The following PCDHGC5 variants were observed in gnomAD, a reference collection of about 807,000 sequenced individuals.
The protein encoded by PCDHGC5 is protocadherin gamma-C5.
In PCDHGC5, 25 loss-of-function variants were observed where a neutral mutation model predicts 59.0. That is an observed-to-expected ratio of 0.42 (90% CI 0.31 to 0.59). The LOEUF is 0.59. PCDHGC5 is among the 20% of genes least tolerant of loss of function. The pLI is 0.13. For missense variants in PCDHGC5, 1,067 were observed against 1,206.4 expected (o/e 0.88, Z 1.71); for synonymous variants, 434 against 505.5 (o/e 0.86, Z 1.90).
chr5:141,505,803 C>T (rs920849273), intron 3 of PCDHGC5, among the ~76,000 whole-genome samples: 29 of 152,116 alleles, frequency 1.9e-4, no homozygotes, highest in African/African-American at 6.5e-4. Flanking sequence ...GGACTTGGAT[C>T]GACTTGCTCA....
intron 2 of PCDHGC5, 69 bp from the exon 3 acceptor site, chr5:141,505,324 G>T: frequency 6.2e-7 from 1 of 1,607,102 alleles, no homozygotes; most frequent in African/African-American, 1.3e-5. Context: ...GGAGCCCTGG[G>T]AGAGGACAGG....
In PCDHGC5 at chr5:141,489,750, C is replaced by A. The variant is rs753217170; in HGVS notation, c.510C>A (p.Tyr170Ter). 1 of 1,614,098 alleles carries A rather than the reference C, an allele frequency of 6.2e-7. No individual in the cohort carries two copies. The highest frequency in any genetic ancestry group is 1.1e-5 in the South Asian group (1 of 91,080). ...PDVGTNTVSF[Y>*]TLSPNSHFSL... Reference sequence around the variant, plus strand: ...TGGGCACCAATACTGTGAGCTTTTACACTCTAAGCCCCAACAGCCACTTCT... The same window carrying A: ...TGGGCACCAATACTGTGAGCTTTTAAACTCTAAGCCCCAACAGCCACTTCT... Residue 170 changes from tyrosine (Y) to a stop codon, truncating the protein, a stop_gained, in exon 1 of 4, where the codon TAC becomes TAA. Coordinates refer to ENST00000252087, the MANE Select transcript of PCDHGC5 (RefSeq NM_018929.3). LOFTEE classifies it high-confidence loss of function. This position sits in a 1 kb window ranked among gnomAD's most constrained non-coding sequence, Gnocchi z 4.5.
chr5:141,507,202 C>G (rs2099859138), intron 3 of PCDHGC5: 1 of 152,356 alleles, frequency 6.6e-6, no homozygotes, highest in Non-Finnish European at 1.5e-5. Flanking sequence ...TCTTCCAGAT[C>G]AGGGTTGCCA....
chr5:141,509,086 A>T lies in PCDHGC5; in HGVS notation c.2609-1861A>T, dbSNP rs147084289. On this transcript the variant is annotated intron_variant, in intron 3 of 3. Coordinates refer to ENST00000252087, the MANE Select transcript of PCDHGC5 (RefSeq NM_018929.3). ...CAGCTCCGGGGATTTGCGACATGAAATGGGGGCTGTAGAAACCTGAGCGCT... is the reference window on the plus strand; with the variant it reads ...CAGCTCCGGGGATTTGCGACATGAATTGGGGGCTGTAGAAACCTGAGCGCT... 8.3e-3 allele frequency among the ~76,000 whole-genome samples: 1,261 copies of T among 152,228 alleles called. 7 individuals are homozygous for T. Among genetic ancestry groups the T allele is most frequent in the Middle Eastern group, 0.037 (11 of 294 alleles).
At position 141,491,623 on chromosome 5, in the gene PCDHGC5, G is replaced by A. The variant is rs767724749; in HGVS notation, c.2383G>A (p.Val795Ile). The A allele has an allele frequency of 3.7e-6, 6 of 1,613,812 alleles. No homozygotes were observed. The highest frequency in any genetic ancestry group is 2.7e-5 in the African/African-American group (2 of 74,938). Residue 795 changes from valine to isoleucine, a missense_variant, in exon 1 of 4, where the codon GTT becomes ATT. Transcript: ENST00000252087. This position sits in a 1 kb window ranked among gnomAD's most constrained non-coding sequence, Gnocchi z 6.9. ...SDFTFLRPLS[V>I]QQPTALALEP... is the part of the protein sequence containing the mutation. ...CTTCACTTTTCTAAGACCCCTCAGC[G>A]TTCAGCAGCCCACAGCTCTGGCGCT...
chr5:141,495,810 C>T (rs1003475681), intron 2 of PCDHGC5, among the ~76,000 whole-genome samples: 1 of 152,088 alleles, frequency 6.6e-6, no homozygotes, highest in Non-Finnish European at 1.5e-5. Context: ...CGTTTCCTAG[C>T]GCCTTGTGTT....
intron 3 of PCDHGC5, among the ~76,000 whole-genome samples, chr5:141,505,999 G>A (rs891447053): frequency 1.3e-5 from 2 of 152,172 alleles, no homozygotes; most frequent in African/African-American, 4.8e-5. Flanking sequence ...TTTATGCGAG[G>A]CTCCTCTTTT....
In PCDHGC5 at chr5:141,510,992, T is replaced by C. The variant is rs879030278; in HGVS notation, c.2654T>C (p.Met885Thr). The change falls in exon 4 of 4, where the codon ATG (methionine) becomes ACG (threonine). Residue 885 changes from methionine to threonine, a missense_variant. By Grantham distance (81) the Met-to-Thr change is moderately conservative. Coordinates refer to ENST00000252087, the MANE Select transcript of PCDHGC5 (RefSeq NM_018929.3). ...SSTLGGGAGT[M>T]GLSARYGPQF... is the part of the protein sequence containing the mutation. ...ACCCTGGGAGGGGGTGCCGGCACCA[T>C]GGGATTGAGCGCCCGCTACGGACCC... The C allele has an allele frequency of 1.9e-6, 3 of 1,614,164 alleles. No individual in the cohort carries two copies. The highest frequency in any genetic ancestry group is 2.5e-6 in the Non-Finnish European group (3 of 1,180,006).
chr5:141,490,151 T>C lies in PCDHGC5; in HGVS notation c.911T>C (p.Val304Ala), dbSNP rs1449636059. ...GLDPSSGAIHVLGPIDFEESR... is the reference protein window; with the variant it reads ...GLDPSSGAIHALGPIDFEESR... The stretch of plus-strand genomic sequence containing the variant: ...GACCCTAGCAGTGGGGCAATCCATG[T>C]GTTGGGTCCCATAGACTTTGAGGAG... Residue 304 changes from valine (V) to alanine (A), a missense_variant, in exon 1 of 4, where the codon GTG becomes GCG. By Grantham distance (64) the Val-to-Ala change is moderately conservative (BLOSUM62 0). Transcript: ENST00000252087. The surrounding 1 kb of genome is among the most constrained non-coding windows in gnomAD (Gnocchi z 5.4). 4 of 1,614,210 alleles carry C rather than the reference T, an allele frequency of 2.5e-6. No homozygotes were observed. The highest frequency in any genetic ancestry group is 3.4e-6 in the Non-Finnish European group (4 of 1,180,018).
intron 2 of PCDHGC5, among the ~76,000 whole-genome samples, chr5:141,505,146 A>G (rs2099844101): frequency 6.6e-6 from 1 of 152,190 alleles, no homozygotes; most frequent in Non-Finnish European, 1.5e-5. Flanking sequence ...TGGATGACAG[A>G]GTAAGACCCT....
At chr5:141,499,013 GA>G (rs2099788463) in intron 2 of PCDHGC5, among the ~76,000 whole-genome samples, 1 of 144,746 alleles carries the variant, frequency 6.9e-6, no homozygotes, top group Non-Finnish European at 1.5e-5. Context: ...AGGAAGGAAG[GA>G]AGGAAGGAAG....
At position 141,489,135 on chromosome 5, in the gene PCDHGC5, G is replaced by T; in HGVS notation, c.-106G>T. The T allele has an allele frequency of 1.4e-6, 1 of 725,448 alleles. No individual in the cohort carries two copies. The highest frequency in any genetic ancestry group is 2.1e-6 in the Non-Finnish European group (1 of 470,770). 44.9% of individuals were successfully genotyped at this position (725,448 alleles called of 1,614,324 possible). ...GCAAACCTCCGAGCAGTTTTTAAGA[G>T]GCTGGAAGGAGACATAAGAGACTTC... On this transcript the variant is annotated 5_prime_UTR_variant, in exon 1 of 4. The change creates a new upstream start codon in the 5' untranslated region. Coordinates refer to ENST00000252087, the MANE Select transcript of PCDHGC5 (RefSeq NM_018929.3). The surrounding 1 kb of genome is among the most constrained non-coding windows in gnomAD (Gnocchi z 4.5).
In PCDHGC5 at chr5:141,489,104, A is replaced by C; in HGVS notation, c.-137A>C. The stretch of plus-strand genomic sequence containing the variant: ...CCACTCGGTGACTAAGAACTGCTGC[A>C]AGCAGGCAAACCTCCGAGCAGTTTT... On this transcript the variant is annotated 5_prime_UTR_variant, in exon 1 of 4. Coordinates refer to ENST00000252087, the MANE Select transcript of PCDHGC5 (RefSeq NM_018929.3). The surrounding 1 kb of genome is among the most constrained non-coding windows in gnomAD (Gnocchi z 4.5). 2.5e-6 allele frequency: 1 copy of C among 405,816 alleles called. No individual in the cohort carries two copies. Among genetic ancestry groups the C allele is most frequent in the Non-Finnish European group, 4.3e-6 (1 of 232,372 alleles). 25.1% of individuals were successfully genotyped at this position (405,816 alleles called of 1,614,324 possible). A position where few individuals can be genotyped will look rare whatever the true frequency, so the allele number is the denominator to read the frequency against.
chr5:141,498,065 G>C (rs1197771947), intron 2 of PCDHGC5, among the ~76,000 whole-genome samples: 1 of 152,220 alleles, frequency 6.6e-6, no homozygotes, highest in Non-Finnish European at 1.5e-5. Context: ...GACTGAAACT[G>C]TCATAAGTGC....
chr5:141,492,632 C>G (rs1359761285), intron 1 of PCDHGC5, among the ~76,000 whole-genome samples: 1 of 152,256 alleles, frequency 6.6e-6, no homozygotes, highest in Non-Finnish European at 1.5e-5. Flanking sequence ...CAGGACTCTA[C>G]GATCCTTGGG....
Position 141,489,793 on chromosome 5 carries a change from C to T in PCDHGC5, c.553C>T (p.Leu185=), listed in dbSNP as rs749700050. The change falls in exon 1 of 4, where the codon CTA becomes TTA. Residue 185 remains leucine, a synonymous_variant. Transcript: ENST00000252087. The surrounding 1 kb of genome is among the most constrained non-coding windows in gnomAD (Gnocchi z 4.5). ...CCACTTCTCTCTGAATGTGAAGACC[C>T]TAAAAGATGGGAAGCCATTCCCAGA... ...NSHFSLNVKT[L]KDGKPFPELV... The T allele has an allele frequency of 6.2e-7, 1 of 1,614,044 alleles. No homozygotes were observed. Among genetic ancestry groups the T allele is most frequent in the Non-Finnish European group, 8.5e-7 (1 of 1,180,010 alleles).
In PCDHGC5 at chr5:141,491,511, C is replaced by G. The variant is rs777448782; in HGVS notation, c.2271C>G (p.Leu757=). 6.2e-7 allele frequency: 1 copy of G among 1,614,080 alleles called. No individual in the cohort carries two copies. The highest frequency in any genetic ancestry group is 8.5e-7 in the Non-Finnish European group (1 of 1,180,018). ...PNLQVSSDGT[L]KYMEVTLRPT... ...TGCAGGTGAGCTCGGACGGCACGCT[C>G]AAGTACATGGAGGTGACGCTGCGGC... Residue 757 remains leucine (L), a synonymous_variant, in exon 1 of 4, where the codon CTC becomes CTG. Transcript: ENST00000252087. This position sits in a 1 kb window ranked among gnomAD's most constrained non-coding sequence, Gnocchi z 6.9.
At chr5:141,510,844 C>A in intron 3 of PCDHGC5, 103 bp from the exon 4 acceptor site, 1 of 1,592,684 alleles carries the variant, frequency 6.3e-7, no homozygotes, top group South Asian at 1.1e-5. Context: ...GTGGTCAAGG[C>A]CCAGGGTGCT....
At chr5:141,505,592 A>G in intron 3 of PCDHGC5, 111 bp downstream of exon 3, 1 of 1,567,266 alleles carries the variant, frequency 6.4e-7, no homozygotes. Context: ...GTTTCTCCAG[A>G]TCTTTCGGCA....
Sources: gnomAD v4.1 joint callset for allele counts (sites outside exome capture counted in the v4.1 genomes callset) on GRCh38, gnomAD v4.1.1 for gene constraint, Gnocchi (gnomAD v3.1) non-coding constraint, MANE v1.5 for transcripts, NCBI Gene and HGNC (gene_info 2026-07-23, HGNC 2026-07-21) for gene names.